Variants in KDM7A observed in about 807,000 individuals in gnomAD.
KDM7A encodes the protein lysine-specific demethylase 7A.
In KDM7A, 28 loss-of-function variants were observed where a neutral mutation model predicts 114.8. That is an observed-to-expected ratio of 0.24 (90% CI 0.18 to 0.33). The LOEUF is 0.33. Among genes scored for constraint, KDM7A ranks in the 10% least tolerant of loss-of-function variants. The pLI is 1.00. For missense variants in KDM7A, 942 were observed against 1,142.5 expected (o/e 0.82, Z 2.53); for synonymous variants, 423 against 397.8 (o/e 1.06, Z -0.75).
chr7:140,163,615 TTC>T (rs1794543573), intron 1 of KDM7A, among the ~76,000 whole-genome samples: 1 of 152,110 alleles, frequency 6.6e-6, no homozygotes, highest in Non-Finnish European at 1.5e-5. Context: ...TGTTCTATTT[TTC>T]TGTTTGTTTT....
chr7:140,114,014 G>A (rs920777761), intron 9 of KDM7A, among the ~76,000 whole-genome samples: 1 of 152,098 alleles, frequency 6.6e-6, no homozygotes, highest in African/African-American at 2.4e-5. Flanking sequence ...CAAATAAAAG[G>A]ATGGGAAAAA....
In KDM7A at chr7:140,086,070, G is replaced by C. The variant is rs1817919621; in HGVS notation, c.*5024C>G. The C allele has an allele frequency of 1.3e-5, 2 of 152,160 alleles. No homozygotes were observed. The highest frequency in any genetic ancestry group is 6.5e-5 in the Admixed American group (1 of 15,270). 9.4% of individuals were successfully genotyped at this position (152,160 alleles called of 1,614,324 possible). On this transcript the variant is annotated 3_prime_UTR_variant, in exon 20 of 20. Transcript: ENST00000397560. The stretch of plus-strand genomic sequence containing the variant: ...GAAATGGCCAAAATGAAACTGGTTG[G>C]AGACAAGTTTTACCTTTATAATTAA...
chr7:140,161,460 G>A (rs1305941760), intron 1 of KDM7A, among the ~76,000 whole-genome samples: 1 of 152,074 alleles, frequency 6.6e-6, no homozygotes, highest in Non-Finnish European at 1.5e-5. Flanking sequence ...CTATTCTGTA[G>A]GGTTCCAGAC....
At chr7:140,158,108 G>A (rs1369836688) in intron 1 of KDM7A, among the ~76,000 whole-genome samples, 4 of 152,106 alleles carry the variant, frequency 2.6e-5, no homozygotes, top group African/African-American at 9.7e-5. Context: ...ATGTTCCCCA[G>A]AGAAAGAAGT....
At chr7:140,166,654 C>T (rs1159282282) in intron 1 of KDM7A, among the ~76,000 whole-genome samples, 3 of 151,958 alleles carry the variant, frequency 2.0e-5, no homozygotes, top group Non-Finnish European at 2.9e-5. Context: ...TGTCTTAATA[C>T]GACAAATTAG....
At chr7:140,115,185 C>T (rs1818505569) in intron 9 of KDM7A, among the ~76,000 whole-genome samples, 4 of 150,812 alleles carry the variant, frequency 2.7e-5, no homozygotes, top group Admixed American at 2.6e-4. Context: ...GGGGGCAGCC[C>T]CCACCCAGCC....
chr7:140,097,230 T>TA lies in KDM7A; in HGVS notation c.2017-184dup, dbSNP rs1296711300. On this transcript the variant is annotated intron_variant, in intron 15 of 19. Coordinates refer to ENST00000397560, the MANE Select transcript of KDM7A (RefSeq NM_030647.2). ...AACTACATGAACATACTACCTTGAT[T>TA]AAAAAAATACACAGTATAGGCTTTC... 3.3e-5 allele frequency among the ~76,000 whole-genome samples: 5 copies of TA among 152,236 alleles called. No homozygotes were observed. The East Asian group carries it at 5.8e-4, about 18-fold the overall frequency.
At chr7:140,147,274 A>C (rs1470586649) in intron 1 of KDM7A, among the ~76,000 whole-genome samples, 1 of 152,226 alleles carries the variant, frequency 6.6e-6, no homozygotes, top group East Asian at 1.9e-4. Flanking sequence ...CAAGATGATC[A>C]CAGTAAATTT....
At chr7:140,173,220 C>T (rs1224913710) in intron 1 of KDM7A, among the ~76,000 whole-genome samples, 2 of 152,136 alleles carry the variant, frequency 1.3e-5, no homozygotes, top group African/African-American at 4.8e-5. Flanking sequence ...AGAACATTCC[C>T]GGCAAAATCC....
At chr7:140,172,249 C>T (rs1794653351) in intron 1 of KDM7A, among the ~76,000 whole-genome samples, 1 of 152,152 alleles carries the variant, frequency 6.6e-6, no homozygotes, top group African/African-American at 2.4e-5. Flanking sequence ...AGGTCTTCTT[C>T]TAAGTGTTTT....
intron 9 of KDM7A, among the ~76,000 whole-genome samples, chr7:140,115,417 A>C (rs1347725824): frequency 6.6e-6 from 1 of 152,222 alleles, no homozygotes; most frequent in Non-Finnish European, 1.5e-5. Flanking sequence ...AGAAAGAAGT[A>C]GACATGGGAG....
intron 14 of KDM7A, among the ~76,000 whole-genome samples, chr7:140,098,230 A>T (rs1333967588): frequency 1.3e-5 from 2 of 152,232 alleles, no homozygotes; most frequent in Non-Finnish European, 2.9e-5. Flanking sequence ...AAATAATGTT[A>T]GTTATCTGAA....
intron 11 of KDM7A, among the ~76,000 whole-genome samples, chr7:140,102,462 A>G (rs1818247029): frequency 6.6e-6 from 1 of 151,256 alleles, no homozygotes; most frequent in Admixed American, 6.6e-5. Flanking sequence ...GCCTCACCGC[A>G]ATCTCCACCT....
chr7:140,099,238 T>C (rs550926120), intron 13 of KDM7A, among the ~76,000 whole-genome samples: 19 of 152,250 alleles, frequency 1.2e-4, no homozygotes, highest in African/African-American at 4.6e-4. Flanking sequence ...TCTGTTGCCC[T>C]GGCTGGAGTG....
intron 17 of KDM7A, 32 bp downstream of exon 17, chr7:140,096,523 C>G (rs1446017048): frequency 6.5e-7 from 1 of 1,549,836 alleles, no homozygotes; most frequent in South Asian, 1.1e-5. Context: ...ACATATGTTA[C>G]TTTTTAGAGA....
chr7:140,101,929 T>C, intron 12 of KDM7A, 22 bp downstream of exon 12: 3 of 1,524,244 alleles, frequency 2.0e-6, no homozygotes, highest in Non-Finnish European at 2.7e-6. Context: ...TTCTTTTTGT[T>C]GTCATGAAAC....
At chr7:140,100,114 G>C (rs1324378305) in intron 12 of KDM7A, 91 bp from the exon 13 acceptor site, 1 of 1,363,048 alleles carries the variant, frequency 7.3e-7, no homozygotes, top group Admixed American at 1.8e-5. Context: ...CCTCCCCCAT[G>C]GTCCTGCATC....
chr7:140,142,998 G>A (rs1019519204), intron 1 of KDM7A, among the ~76,000 whole-genome samples: 5 of 151,862 alleles, frequency 3.3e-5, no homozygotes, highest in Non-Finnish European at 4.4e-5. Context: ...TGGCTAACAC[G>A]GTGAAACCCC....
intron 1 of KDM7A, among the ~76,000 whole-genome samples, chr7:140,174,907 G>A (rs1451620495): frequency 6.6e-6 from 1 of 152,154 alleles, no homozygotes; most frequent in African/African-American, 2.4e-5. Flanking sequence ...GAGCCACCAA[G>A]CCTGGCGAGA....
Sources: allele counts gnomAD v4.1 joint callset (sites outside exome capture counted in the v4.1 genomes callset), GRCh38; gene constraint gnomAD v4.1.1; transcripts MANE v1.5; gene names NCBI Gene and HGNC (gene_info 2026-07-23, HGNC 2026-07-21).